Variants in OPN3 observed in about 807,000 individuals in gnomAD.
The protein encoded by OPN3 is opsin 3, also known as opsin-3.
Under a neutral mutation model 33.8 loss-of-function variants are expected in OPN3, and 29 were observed. The observed-to-expected ratio is 0.86, with a 90% CI of 0.64 to 1.17. The LOEUF (loss-of-function observed/expected upper bound fraction) is 1.17, where lower values mean the gene tolerates loss of function less well. Ranked by LOEUF, OPN3 falls within the 50% of genes most tolerant of loss-of-function variation. The pLI is 0.00. For synonymous variants in OPN3, 216 were observed against 216.1 expected, an observed-to-expected ratio of 1.00 and a Z score of 0.00; for missense variants, 437 against 514.1, an observed-to-expected ratio of 0.85 and a Z score of 1.45.
chr1:241,617,313 T>C (rs1372086565), intron 1 of OPN3, among the ~76,000 whole-genome samples: 1 of 152,224 alleles, frequency 6.6e-6, no homozygotes, highest in Non-Finnish European at 1.5e-5. Context: ...AAGCTTGAGG[T>C]CTTTTTAATT....
intron 3 of OPN3, chr1:241,595,514 A>G (rs2147993653): frequency 6.6e-6 from 1 of 152,376 alleles, no homozygotes; most frequent in South Asian, 2.1e-4. Flanking sequence ...TAGTCGGTCC[A>G]TCATGACCAG....
Position 241,606,066 on chromosome 1 carries a change from C to A in OPN3, c.374-1487G>T, listed in dbSNP as rs148138818. 5.8e-4 allele frequency among the ~76,000 whole-genome samples: 89 copies of A among 152,232 alleles called. No homozygotes were observed. The East Asian group carries it at 0.015, about 25-fold the overall frequency. On this transcript the variant is annotated intron_variant, in intron 1 of 3. Coordinates refer to ENST00000366554, the MANE Select transcript of OPN3 (RefSeq NM_014322.3). ...AGAGAATGTAAAACACGATTGGAGG[C>A]CATGGAAACCAACTTGAAGGCTATT...
At chr1:241,635,531 A>G in intron 1 of OPN3, 1 of 1,614,016 alleles carries the variant, frequency 6.2e-7, no homozygotes, top group Non-Finnish European at 8.5e-7. Flanking sequence ...TTCATGGATC[A>G]GGTCCTGCCA....
chr1:241,637,678 A>G (rs1017769365), intron 1 of OPN3, among the ~76,000 whole-genome samples: 8 of 152,224 alleles, frequency 5.3e-5, no homozygotes, highest in African/African-American at 1.9e-4. Context: ...TCAAAATGCA[A>G]AGCAAGTAGG....
chr1:241,602,062 C>G (rs942306486), intron 2 of OPN3, among the ~76,000 whole-genome samples: 1 of 152,148 alleles, frequency 6.6e-6, no homozygotes. Flanking sequence ...GAGATGTTAT[C>G]AAGCTTGTGT....
intron 1 of OPN3, among the ~76,000 whole-genome samples, chr1:241,621,925 T>G (rs941708801): frequency 6.6e-6 from 1 of 152,120 alleles, no homozygotes; most frequent in Admixed American, 6.5e-5. Context: ...TTCCAGGGTG[T>G]AGGTCCTGAA....
At chr1:241,607,789 G>C (rs975024690) in intron 1 of OPN3, among the ~76,000 whole-genome samples, 1 of 151,342 alleles carries the variant, frequency 6.6e-6, no homozygotes, top group Non-Finnish European at 1.5e-5. Flanking sequence ...AGAAAGGAAG[G>C]AAGGGAAAAG....
At chr1:241,612,956 CACCCACTCA>C (rs1279885718) in intron 1 of OPN3, among the ~76,000 whole-genome samples, 1 of 152,214 alleles carries the variant, frequency 6.6e-6, no homozygotes, top group Non-Finnish European at 1.5e-5. Flanking sequence ...CATCGCTCAG[CACCCACTCA>C]ATCATGGCTG....
Position 241,594,564 on chromosome 1 carries a change from T to C in OPN3, c.1073A>G (p.Asp358Gly), listed in dbSNP as rs1333603903. The change falls in exon 4 of 4, where the codon GAC becomes GGC. Residue 358 changes from aspartate (D) to glycine (G), a missense_variant. Asp to Gly is a moderately conservative substitution (Grantham distance 94). Transcript: ENST00000366554. Reference sequence around the variant, plus strand: ...GAAAGTCACTTTTTTCTTTGGCCTGTCCCCATCTTTCTGTGACATCACAAT... The same window carrying C: ...GAAAGTCACTTTTTTCTTTGGCCTGCCCCCATCTTTCTGTGACATCACAAT... The part of the protein sequence containing the change: ...RPIVMSQKDG[D>G]RPKKKVTFNS... 1 of 1,614,158 alleles carries C rather than the reference T, an allele frequency of 6.2e-7. No homozygotes were observed. The highest frequency in any genetic ancestry group is 1.7e-5 in the Admixed American group (1 of 60,020).
intron 1 of OPN3, chr1:241,635,348 G>C (rs771836374): frequency 1.2e-6 from 2 of 1,614,014 alleles, no homozygotes; most frequent in Admixed American, 1.7e-5. Context: ...GCTTTCTTCA[G>C]GTAATGCAGA....
At position 241,594,185 on chromosome 1, in the gene OPN3, T is replaced by C; in HGVS notation, c.*243A>G. ...CCAACACATTAGAAGATGATGATGT[T>C]AGATGCCCATCGTGTGCCACAAGTG... On this transcript the variant is annotated 3_prime_UTR_variant, in exon 4 of 4. Transcript: ENST00000366554. 4.5e-6 allele frequency: 2 copies of C among 443,710 alleles called. No homozygotes were observed. The allele number at this position is 443,710 out of a possible 1,614,324, so 27.5% of individuals were successfully genotyped here. A position where few individuals can be genotyped will look rare whatever the true frequency, so the allele number is the denominator to read the frequency against.
At chr1:241,637,950 G>A (rs1374271327) in intron 1 of OPN3, among the ~76,000 whole-genome samples, 1 of 152,148 alleles carries the variant, frequency 6.6e-6, no homozygotes, top group East Asian at 1.9e-4. Context: ...TTCTTGCTCA[G>A]GGATAACTCA....
chr1:241,616,369 T>TAA (rs1437179990), intron 1 of OPN3, among the ~76,000 whole-genome samples: 3 of 152,168 alleles, frequency 2.0e-5, no homozygotes, highest in Non-Finnish European at 4.4e-5. Flanking sequence ...AAACTCTGTG[T>TAA]ATTTCTTGCA....
intron 1 of OPN3, chr1:241,630,887 T>G (rs989803593): frequency 6.6e-6 from 1 of 152,114 alleles, no homozygotes; most frequent in South Asian, 2.1e-4. Context: ...ACCAGCCTTA[T>G]AATCCTGAGT....
chr1:241,626,537 A>C (rs1314403992), intron 1 of OPN3, among the ~76,000 whole-genome samples: 1 of 152,178 alleles, frequency 6.6e-6, no homozygotes, highest in Non-Finnish European at 1.5e-5. Flanking sequence ...TCTCCATAAT[A>C]CTTCACTTAA....
chr1:241,639,836 G>C (rs1482148388), intron 1 of OPN3, 46 bp downstream of exon 1: 9 of 1,440,872 alleles, frequency 6.2e-6, no homozygotes, highest in Non-Finnish European at 8.2e-6. Flanking sequence ...GGGGTGGGGA[G>C]TGGAAGTTTG....
rs552213990 is a variant in OPN3 at position 241,603,725 on chromosome 1, G to A, written c.693+535C>T. ...TTGGAAGAATCAGTGAATGAGGAAG[G>A]AAACATCCATGGCCAAAGCTAGAGA... On this transcript the variant is annotated intron_variant, in intron 2 of 3. Transcript: ENST00000366554. Among the ~76,000 whole-genome samples the A allele has an allele frequency of 3.3e-5, 5 of 152,304 alleles. No individual in the cohort carries two copies. In the South Asian group the frequency reaches 1.0e-3, roughly 32 times the overall value.
intron 1 of OPN3, among the ~76,000 whole-genome samples, chr1:241,638,739 T>C (rs1408531257): frequency 6.6e-6 from 1 of 152,200 alleles, no homozygotes; most frequent in Non-Finnish European, 1.5e-5. Context: ...TCAAATAAAA[T>C]CTATTTTCTT....
intron 1 of OPN3, chr1:241,635,983 C>G (rs1276573046): frequency 2.0e-6 from 1 of 509,682 alleles, no homozygotes; most frequent in African/African-American, 2.0e-5. Flanking sequence ...TCTGAGAATA[C>G]TAAAATGGAT....
Sources: gnomAD v4.1 joint callset for allele counts (sites outside exome capture counted in the v4.1 genomes callset) on GRCh38, gnomAD v4.1.1 for gene constraint, MANE v1.5 for transcripts, NCBI Gene and HGNC (gene_info 2026-07-23, HGNC 2026-07-21) for gene names.